The following UBE3B variants were observed in gnomAD, a reference collection of about 807,000 sequenced individuals.
The protein encoded by UBE3B is ubiquitin-protein ligase E3B.
In UBE3B, 80 loss-of-function variants were observed where a neutral mutation model predicts 132.3. That is an observed-to-expected ratio of 0.60 (90% CI 0.50 to 0.73). UBE3B has a LOEUF of 0.73. Among genes scored for constraint, UBE3B ranks in the 30% least tolerant of loss-of-function variants. The pLI, the probability that UBE3B is intolerant of heterozygous loss-of-function variation, is 0.00. For missense variants in UBE3B, 1,196 were observed against 1,362.5 expected (o/e 0.88, Z 1.92); for synonymous variants, 487 against 520.4 (o/e 0.94, Z 0.87).
rs966600105 is a variant in UBE3B at position 109,478,031 on chromosome 12, G to A, written c.-206G>A. The A allele has an allele frequency of 6.6e-6, 1 of 152,512 alleles. No homozygotes were observed. Among genetic ancestry groups the A allele is most frequent in the Non-Finnish European group, 1.5e-5 (1 of 68,208 alleles). 9.4% of individuals were successfully genotyped at this position (152,512 alleles called of 1,614,324 possible). On this transcript the variant is annotated 5_prime_UTR_variant, in exon 1 of 28. Coordinates refer to ENST00000342494, the MANE Select transcript of UBE3B (RefSeq NM_130466.4). ...TGGGTGATTTGTTCCTGTGGTTGTT[G>A]ATGCCGAGGAAAGACTCTGGGCCCC...
intron 12 of UBE3B, 21 bp downstream of exon 12, chr12:109,499,831 A>C (rs1592913776): frequency 4.5e-6 from 7 of 1,543,854 alleles, no homozygotes; most frequent in Non-Finnish European, 6.1e-6. Flanking sequence ...GATGCAAATC[A>C]CTGTCTTTCC....
At chr12:109,512,246 C>T (rs1381259457) in intron 18 of UBE3B, among the ~76,000 whole-genome samples, 2 of 152,140 alleles carry the variant, frequency 1.3e-5, no homozygotes, top group Non-Finnish European at 2.9e-5. Flanking sequence ...TGACTCCCCC[C>T]ATAACCTGGG....
chr12:109,538,904 C>G (rs1316371856), downstream of UBE3B, among the ~76,000 whole-genome samples: 1 of 152,218 alleles, frequency 6.6e-6, no homozygotes, highest in Non-Finnish European at 1.5e-5. This position sits in a 1 kb window ranked among gnomAD's most constrained non-coding sequence, Gnocchi z 4.1. Flanking sequence ...CACTGTGCCC[C>G]CTACACTGCA....
chr12:109,495,486 A>T (rs1406425578), intron 9 of UBE3B, among the ~76,000 whole-genome samples: 2 of 152,212 alleles, frequency 1.3e-5, no homozygotes, highest in Non-Finnish European at 2.9e-5. Context: ...TCACCTGCTG[A>T]GACCAGCTTG....
At chr12:109,507,436 A>T (rs1879828711) in intron 14 of UBE3B, 128 bp from the exon 15 acceptor site, 1 of 1,025,584 alleles carries the variant, frequency 9.8e-7, no homozygotes, top group Non-Finnish European at 1.4e-6. Context: ...CCATAATCCC[A>T]CCTTCTTTTC....
At chr12:109,492,710 C>T (rs887309006) in intron 9 of UBE3B, 3 of 148,814 alleles carry the variant, frequency 2.0e-5, no homozygotes, top group African/African-American at 7.5e-5. Context: ...GCTTCTCCAG[C>T]CTGGATGACA....
At chr12:109,496,814 C>T (rs1878264697) in intron 9 of UBE3B, among the ~76,000 whole-genome samples, 2 of 152,166 alleles carry the variant, frequency 1.3e-5, no homozygotes. Context: ...CCAGGTGTTT[C>T]CTTCTGTTCC....
chr12:109,530,156 T>C, intron 25 of UBE3B, 84 bp downstream of exon 25: 1 of 1,516,106 alleles, frequency 6.6e-7, no homozygotes, highest in Non-Finnish European at 9.0e-7. Flanking sequence ...TTTTAGAGAG[T>C]TGTTTTAGGA....
At chr12:109,484,019 A>G in intron 4 of UBE3B, 38 bp downstream of exon 4, 2 of 1,567,212 alleles carry the variant, frequency 1.3e-6, no homozygotes, top group Non-Finnish European at 1.7e-6. Context: ...ATACTTCCAT[A>G]TGTCAGATCT....
Position 109,486,576 on chromosome 12 carries a change from GTAACAAAAA to G in UBE3B, c.447+2_447+10del. 1 of 577,582 alleles carries G rather than the reference GTAACAAAAA, an allele frequency of 1.7e-6. No individual in the cohort carries two copies. The highest frequency in any genetic ancestry group is 2.5e-6 in the Non-Finnish European group (1 of 392,266). The allele number at this position is 577,582 out of a possible 1,614,324, so 35.8% of individuals were successfully genotyped here. A position where few individuals can be genotyped will look rare whatever the true frequency, so the allele number is the denominator to read the frequency against. On this transcript the variant is annotated splice_donor_variant and splice_donor_5th_base_variant and intron_variant, in intron 6 of 27. Coordinates refer to ENST00000342494, the MANE Select transcript of UBE3B (RefSeq NM_130466.4). LOFTEE classifies it high-confidence loss of function. ...CTGTGATTTTCTCAAGCAGCTCAAGGTAACAAAAAAAAAAAAAAAAAAAAAAAGCAAAAC... is the reference window on the plus strand; with the variant it reads ...CTGTGATTTTCTCAAGCAGCTCAAGGAAAAAAAAAAAAAAAAAAGCAAAAC...
In UBE3B at chr12:109,490,242, A is replaced by G. The variant is rs180999569; in HGVS notation, c.630+238A>G. On this transcript the variant is annotated intron_variant, in intron 8 of 27. Coordinates refer to ENST00000342494, the MANE Select transcript of UBE3B (RefSeq NM_130466.4). ...GCTCTACATTTTTGGCTGCAAGGGT[A>G]ATCCAGTCTTTTGACATTTAAACTC... The G allele has an allele frequency of 1.8e-3, 1,698 of 949,868 alleles. 3 individuals are homozygous for G. Among genetic ancestry groups the G allele is most frequent in the Non-Finnish European group, 2.3e-3 (1,473 of 627,328 alleles). 58.8% of individuals were successfully genotyped at this position (949,868 alleles called of 1,614,324 possible).
chr12:109,502,091 G>A (rs1208843615), intron 13 of UBE3B, among the ~76,000 whole-genome samples: 1 of 152,164 alleles, frequency 6.6e-6, no homozygotes, highest in Non-Finnish European at 1.5e-5. Flanking sequence ...AATCAAGATT[G>A]GGTCATAAAA....
chr12:109,481,525 T>TA (rs199551591), intron 1 of UBE3B, 112 bp from the exon 2 acceptor site: 2 of 152,308 alleles, frequency 1.3e-5, no homozygotes, highest in South Asian at 2.1e-4. Context: ...GTGGTGTTTT[T>TA]AAAAAACCAT....
At position 109,530,699 on chromosome 12, in the gene UBE3B, A is replaced by G. The variant is rs566954469; in HGVS notation, c.2922+41A>G. ...CCTATGCATGCATGCATGTATTCTC[A>G]TAAACCTGGAAGGCCAGTTGATGTA... On this transcript the variant is annotated intron_variant, in intron 26 of 27. Coordinates refer to ENST00000342494, the MANE Select transcript of UBE3B (RefSeq NM_130466.4). The G allele has an allele frequency of 2.5e-6, 4 of 1,576,856 alleles. No homozygotes were observed. In the African/African-American group the frequency reaches 5.4e-5, roughly 21 times the overall value.
chr12:109,529,826 C>T, intron 24 of UBE3B, 64 bp from the exon 25 acceptor site: 3 of 1,577,252 alleles, frequency 1.9e-6, no homozygotes, highest in Non-Finnish European at 2.6e-6. Flanking sequence ...GTCTTTCAGC[C>T]CATTGGTGAC....
intron 24 of UBE3B, 124 bp from the exon 25 acceptor site, chr12:109,529,766 C>A: frequency 9.0e-7 from 1 of 1,112,142 alleles, no homozygotes; most frequent in Non-Finnish European, 1.3e-6. Context: ...TGATGAAACA[C>A]TCTGGTACTA....
chr12:109,538,471 G>A (rs75524776), downstream of UBE3B, among the ~76,000 whole-genome samples: 1,497 of 152,316 alleles, frequency 9.8e-3, 68 homozygotes, highest in Admixed American at 0.067. This position sits in a 1 kb window ranked among gnomAD's most constrained non-coding sequence, Gnocchi z 4.1. Flanking sequence ...CTCCCTGTGT[G>A]TTCCTTATCT....
In UBE3B at chr12:109,526,384, A is replaced by T. The variant is rs745492079; in HGVS notation, c.2595A>T (p.Gly865=). The change falls in exon 24 of 28, where the codon GGA becomes GGT. Residue 865 remains glycine (G), a synonymous_variant. Transcript: ENST00000342494. The part of the protein sequence containing the change: ...GQLVCHELIP[G]GKTIPVTNEN... ...TTGTTTGCCATGAACTGATTCCTGG[A>T]GGGAAGACCATTCCTGTTACAAATG... The T allele has an allele frequency of 1.2e-6, 2 of 1,614,134 alleles. No homozygotes were observed. Among genetic ancestry groups the T allele is most frequent in the Non-Finnish European group, 1.7e-6 (2 of 1,180,030 alleles).
chr12:109,477,646 GC>G lies in UBE3B; in HGVS notation c.-590del, dbSNP rs1448301261. On this transcript the variant is annotated 5_prime_UTR_variant, in exon 1 of 28. Coordinates refer to ENST00000342494, the MANE Select transcript of UBE3B (RefSeq NM_130466.4). ...GGGTTCTGAAAGCGAACACCGCGGGGCAAGATGGCGGTAGTGCGTCGGCTGC... is the reference window on the plus strand; with the variant it reads ...GGGTTCTGAAAGCGAACACCGCGGGGAAGATGGCGGTAGTGCGTCGGCTGC... 6 of 239,802 alleles carry G rather than the reference GC, an allele frequency of 2.5e-5. No individual in the cohort carries two copies. The highest frequency in any genetic ancestry group is 3.3e-5 in the Non-Finnish European group (4 of 121,050). The allele number at this position is 239,802 out of a possible 1,614,324, so 14.9% of individuals were successfully genotyped here.
Sources: gnomAD v4.1 joint callset for allele counts (sites outside exome capture counted in the v4.1 genomes callset) on GRCh38, gnomAD v4.1.1 for gene constraint, Gnocchi (gnomAD v3.1) non-coding constraint, MANE v1.5 for transcripts, NCBI Gene and HGNC (gene_info 2026-07-23, HGNC 2026-07-21) for gene names.